The following PRELID2 variants were observed in gnomAD, a reference collection of about 807,000 sequenced individuals.
The protein encoded by PRELID2 is PRELI domain containing 2, also known as PRELI domain-containing protein 2.
In PRELID2, 25 loss-of-function variants were observed where a neutral mutation model predicts 28.4. The observed-to-expected ratio is 0.88, with a 90% CI of 0.64 to 1.23. The LOEUF (loss-of-function observed/expected upper bound fraction) is 1.23, where lower values mean the gene tolerates loss of function less well. Among genes scored for constraint, PRELID2 ranks in the 50% most tolerant of loss-of-function variants. The pLI is 0.00. For synonymous variants in PRELID2, 76 were observed against 71.6 expected (o/e 1.06, Z -0.31); for missense variants, 201 against 214.4 (o/e 0.94, Z 0.39).
chr5:145,797,318 G>C (rs570732569), intron 4 of PRELID2, among the ~76,000 whole-genome samples: 3 of 152,080 alleles, frequency 2.0e-5, no homozygotes, highest in Non-Finnish European at 2.9e-5. Context: ...GCAAAGCCAA[G>C]AAGAGCCACA....
chr5:145,414,366 C>T, the PRELID2 span, among the ~76,000 whole-genome samples: 1 of 152,178 alleles, frequency 6.6e-6, no homozygotes, highest in South Asian at 2.1e-4. Flanking sequence ...TCCATAACCA[C>T]CACAACGAAA....
In PRELID2 at chr5:145,668,514, T is replaced by C. The variant is rs1366534766; in HGVS notation, n.70+96417A>G. On this transcript the variant is annotated intron_variant and non_coding_transcript_variant, in intron 1 of 2. Transcript: ENST00000510259. ...GGCTAGTATATGACCTGTAGACACA[T>C]AGCCATATGTAATCACAGTCCATCC... is the stretch of plus-strand genomic sequence containing the variant. 2.6e-5 allele frequency among the ~76,000 whole-genome samples: 4 copies of C among 152,130 alleles called. No individual in the cohort carries two copies. The East Asian group carries it at 7.7e-4, about 29-fold the overall frequency.
the PRELID2 span, among the ~76,000 whole-genome samples, chr5:145,394,941 A>T: frequency 2.0e-5 from 3 of 152,154 alleles, no homozygotes; most frequent in Admixed American, 2.0e-4. Context: ...CTTTGCCATC[A>T]TCATCATGGT....
rs376393485 is a variant in PRELID2, at chr5:145,696,924, A to G, written n.70+68007T>C. On this transcript the variant is annotated intron_variant and non_coding_transcript_variant, in intron 1 of 2. Coordinates refer to the PRELID2 transcript ENST00000510259. ...AGTATATATTCAGACCACTTTTGGTAATAAAGGCTGGAAGAAGCCAAGACA... is the reference window on the plus strand; with the variant it reads ...AGTATATATTCAGACCACTTTTGGTGATAAAGGCTGGAAGAAGCCAAGACA... 5.3e-5 allele frequency among the ~76,000 whole-genome samples: 8 copies of G among 151,122 alleles called. No individual in the cohort carries two copies. The South Asian group carries it at 1.7e-3, about 32-fold the overall frequency.
At chr5:145,804,027 G>A (rs756263047) in intron 4 of PRELID2, among the ~76,000 whole-genome samples, 4 of 152,054 alleles carry the variant, frequency 2.6e-5, no homozygotes, top group Non-Finnish European at 5.9e-5. Context: ...TCTCCTAAGC[G>A]CTTTCCCTCT....
the PRELID2 span, among the ~76,000 whole-genome samples, chr5:145,304,748 T>A: frequency 2.0e-5 from 3 of 152,110 alleles, no homozygotes; most frequent in African/African-American, 7.2e-5. Flanking sequence ...CAAGACTATG[T>A]TCTGTTCATT....
At chr5:145,746,847 T>G (rs934638407) in intron 1 of PRELID2, among the ~76,000 whole-genome samples, 1 of 152,122 alleles carries the variant, frequency 6.6e-6, no homozygotes, top group African/African-American at 2.4e-5. Flanking sequence ...CAGACCACAG[T>G]GCAATCAAAT....
chr5:145,809,470 A>C (rs1294201583), intron 4 of PRELID2, among the ~76,000 whole-genome samples: 1 of 152,186 alleles, frequency 6.6e-6, no homozygotes, highest in East Asian at 1.9e-4. Context: ...GGAGACAAAG[A>C]GCCAGCCTCC....
intron 1 of PRELID2, among the ~76,000 whole-genome samples, chr5:145,532,976 C>A (rs774060468): frequency 1.2e-4 from 18 of 152,012 alleles, no homozygotes; most frequent in African/African-American, 4.1e-4. Flanking sequence ...TGAATAAACA[C>A]CCAGAAATGG....
chr5:145,314,707 G>C, the PRELID2 span, among the ~76,000 whole-genome samples: 1 of 151,866 alleles, frequency 6.6e-6, no homozygotes, highest in East Asian at 1.9e-4. Context: ...TCATTTCAAA[G>C]TAAGTTGCCA....
chr5:145,394,245 G>A, the PRELID2 span, among the ~76,000 whole-genome samples: 2 of 152,110 alleles, frequency 1.3e-5, no homozygotes, highest in Non-Finnish European at 2.9e-5. Context: ...GGAATACTAT[G>A]CAGCCATAAA....
At chr5:145,596,600 G>A (rs1464135014) in intron 1 of PRELID2, among the ~76,000 whole-genome samples, 2 of 152,024 alleles carry the variant, frequency 1.3e-5, no homozygotes, top group African/African-American at 4.8e-5. Flanking sequence ...CCTACAATAA[G>A]TCACTGACTA....
rs1475676124 is a variant in PRELID2 at position 145,609,215 on chromosome 5, T to C, written n.71-135900A>G. ...CTTTGGGTTTCGACTTTCTCCCGAA[T>C]GTTGATGATCTTCGTTCTTATCCAT... is the stretch of plus-strand genomic sequence containing the variant. On this transcript the variant is annotated intron_variant and non_coding_transcript_variant, in intron 1 of 2. Transcript: ENST00000510259. Among the ~76,000 whole-genome samples, 14 of 152,342 alleles carry C rather than the reference T, an allele frequency of 9.2e-5. No homozygotes were observed. The East Asian group carries it at 2.7e-3, about 29-fold the overall frequency.
chr5:145,774,195 T>A (rs1316825683), intron 5 of PRELID2, among the ~76,000 whole-genome samples: 1 of 152,182 alleles, frequency 6.6e-6, no homozygotes, highest in Non-Finnish European at 1.5e-5. Flanking sequence ...TCCCGTGAGG[T>A]AAGACAGTTC....
the PRELID2 span, among the ~76,000 whole-genome samples, chr5:145,264,947 C>T: frequency 7.3e-6 from 1 of 137,130 alleles, no homozygotes; most frequent in Non-Finnish European, 1.5e-5. Flanking sequence ...GCACTCCAAC[C>T]TGGGCAACAA....
At chr5:145,807,311 T>C (rs958623067) in intron 4 of PRELID2, among the ~76,000 whole-genome samples, 7 of 152,196 alleles carry the variant, frequency 4.6e-5, no homozygotes, top group African/African-American at 1.7e-4. Flanking sequence ...AACATGATTG[T>C]TTCTAGCTCA....
intron 1 of PRELID2, among the ~76,000 whole-genome samples, chr5:145,527,417 A>G (rs1314549921): frequency 1.3e-5 from 2 of 152,236 alleles, no homozygotes; most frequent in East Asian, 1.9e-4. Flanking sequence ...TTAAGCATAC[A>G]TAGGATCTCT....
chr5:145,435,941 T>A, the PRELID2 span, among the ~76,000 whole-genome samples: 2 of 152,126 alleles, frequency 1.3e-5, no homozygotes, highest in African/African-American at 4.8e-5. Context: ...TTTTTAAAAT[T>A]TTTGTTTTTA....
At chr5:145,765,048 G>A (rs780745017) in intron 5 of PRELID2, 48 bp from the exon 6 acceptor site, 2 of 1,294,000 alleles carry the variant, frequency 1.5e-6, no homozygotes, top group South Asian at 1.3e-5. Context: ...TCACAGACAA[G>A]TACTTTTACA....
Sources: gnomAD v4.1 joint callset for allele counts (sites outside exome capture counted in the v4.1 genomes callset) on GRCh38, gnomAD v4.1.1 for gene constraint, MANE v1.5 for transcripts, NCBI Gene and HGNC (gene_info 2026-07-23, HGNC 2026-07-21) for gene names.